The following TRAK1 variants were observed in gnomAD, a reference collection of about 807,000 sequenced individuals.
The protein encoded by TRAK1 is trafficking kinesin protein 1.
TRAK1 carries 33 observed loss-of-function variants against 92.1 expected under a neutral mutation model. The observed-to-expected ratio is 0.36, with a 90% CI of 0.27 to 0.48. The LOEUF is 0.48. TRAK1 is among the 20% of genes least tolerant of loss of function. TRAK1 has a pLI of 0.99. For synonymous variants in TRAK1, 521 were observed against 517.3 expected, an observed-to-expected ratio of 1.01 and a Z score of -0.10; for missense variants, 1,123 against 1,257.9, an observed-to-expected ratio of 0.89 and a Z score of 1.62.
chr3:42,189,095 G>C lies in TRAK1; in HGVS notation c.661G>C (p.Glu221Gln). 6.2e-7 allele frequency: 1 copy of C among 1,614,098 alleles called. No homozygotes were observed. Among genetic ancestry groups the C allele is most frequent in the African/African-American group, 1.3e-5 (1 of 75,066 alleles). Residue 221 changes from glutamate (E) to glutamine (Q), a missense_variant, in exon 6 of 16, where the codon GAA becomes CAA. Glu to Gln is a conservative substitution (Grantham distance 29). Around this residue, in one of 3 missense-constraint regions of TRAK1, gnomAD observed 686 missense variants for 747.6 expected, o/e 0.92. Coordinates refer to ENST00000327628, the MANE Select transcript of TRAK1 (RefSeq NM_001042646.3). ...DSLQKKLKDLEEENVVLRSEA... is the reference protein window; with the variant it reads ...DSLQKKLKDLQEENVVLRSEA... ...TCTTCAAAAGAAGCTGAAAGACCTT[G>C]AAGAGGAGAATGTTGTACTTCGATC...
At chr3:42,026,114 C>T (rs140250023) in intron 1 of TRAK1, among the ~76,000 whole-genome samples, 144 of 152,200 alleles carry the variant, frequency 9.5e-4, no homozygotes, top group African/African-American at 3.3e-3. Flanking sequence ...CCCTCCATCC[C>T]TCCTTTCTAT....
chr3:42,106,346 CAAAACA>C (rs1707566784), intron 1 of TRAK1, among the ~76,000 whole-genome samples: 1 of 150,422 alleles, frequency 6.6e-6, no homozygotes, highest in African/African-American at 2.4e-5. Flanking sequence ...AAATGGAAAA[CAAAACA>C]AAAAAAAAGC....
Position 42,223,219 on chromosome 3 carries a change from C to A in TRAK1, c.2344C>A (p.Pro782Thr). The A allele has an allele frequency of 4.3e-6, 7 of 1,614,218 alleles. No individual in the cohort carries two copies. The highest frequency in any genetic ancestry group is 5.9e-6 in the Non-Finnish European group (7 of 1,180,028). ...CAAGATGGCTGTGATCCCCTCTACT[C>A]CGCCGAACTCGCCTATGCAGACACC... is the stretch of plus-strand genomic sequence containing the variant. ...TPKMAVIPST[P>T]PNSPMQTPTS... Residue 782 changes from proline to threonine, a missense_variant, in exon 16 of 16, where the codon CCG (proline) becomes ACG (threonine). Physicochemically the swap from Pro to Thr is conservative, Grantham distance 38 (BLOSUM62 -1). Transcript: ENST00000327628. The surrounding 1 kb of genome is among the most constrained non-coding windows in gnomAD (Gnocchi z 6.1).
intron 2 of TRAK1, among the ~76,000 whole-genome samples, chr3:42,132,591 TG>T (rs1269350504): frequency 6.6e-6 from 1 of 152,158 alleles, no homozygotes; most frequent in Non-Finnish European, 1.5e-5. Context: ...TATTTTATAT[TG>T]TTTTTTTCCC....
intron 2 of TRAK1, among the ~76,000 whole-genome samples, chr3:42,144,102 C>T (rs1559827912): frequency 2.0e-5 from 3 of 152,168 alleles, no homozygotes; most frequent in African/African-American, 7.2e-5. Context: ...GCCTCGCTCC[C>T]TACCTCACCC....
chr3:42,058,006 T>A (rs1703268782), intron 1 of TRAK1, among the ~76,000 whole-genome samples: 1 of 152,256 alleles, frequency 6.6e-6, no homozygotes, highest in South Asian at 2.1e-4. Flanking sequence ...TTTCCTCCTT[T>A]ACTGCTACCC....
rs185578172 is a variant in TRAK1 at position 42,184,910 on chromosome 3, C to T, written c.480+109C>T. The T allele has an allele frequency of 1.1e-4, 116 of 1,092,044 alleles. 1 individual carries two copies. The East Asian group carries it at 2.3e-3, about 22-fold the overall frequency. The allele number at this position is 1,092,044 out of a possible 1,614,324, so 67.6% of individuals were successfully genotyped here. A position where few individuals can be genotyped will look rare whatever the true frequency, so the allele number is the denominator to read the frequency against. On this transcript the variant is annotated intron_variant, in intron 4 of 15. Coordinates refer to ENST00000327628, the MANE Select transcript of TRAK1 (RefSeq NM_001042646.3). ...GGAGTCCTAGTTGGAAGGACGCTCC[C>T]GAGGGCACGACCGCGGCCTGAGCCC...
At chr3:42,190,183 A>G (rs1705504395) in intron 6 of TRAK1, among the ~76,000 whole-genome samples, 1 of 152,040 alleles carries the variant, frequency 6.6e-6, no homozygotes, top group Non-Finnish European at 1.5e-5. Context: ...ATTAGTGGTG[A>G]GTTTCTGTTC....
intron 2 of TRAK1, among the ~76,000 whole-genome samples, chr3:42,157,314 C>T (rs1253276306): frequency 1.3e-5 from 2 of 151,230 alleles, no homozygotes; most frequent in Admixed American, 6.6e-5. Context: ...AAAAAATTAG[C>T]GAGGCATGGT....
At chr3:42,073,087 C>T (rs1021002661) in intron 1 of TRAK1, among the ~76,000 whole-genome samples, 9 of 152,206 alleles carry the variant, frequency 5.9e-5, no homozygotes, top group Non-Finnish European at 1.3e-4. Context: ...GCCCCCAGTC[C>T]ACATACAAGT....
intron 11 of TRAK1, 34 bp downstream of exon 11, chr3:42,199,287 C>G: frequency 1.2e-6 from 2 of 1,609,892 alleles, no homozygotes; most frequent in Non-Finnish European, 1.7e-6. Flanking sequence ...TTGAGATTCC[C>G]AGAGACCAAC....
At chr3:42,015,277 C>T (rs1237212095) in intron 1 of TRAK1, among the ~76,000 whole-genome samples, 1 of 152,202 alleles carries the variant, frequency 6.6e-6, no homozygotes, top group Non-Finnish European at 1.5e-5. Context: ...CTGAGCCCGG[C>T]TCTGGGGGAT....
In TRAK1 at chr3:42,159,888, C is replaced by T. The variant is rs187217037; in HGVS notation, c.287-16926C>T. 4.6e-5 allele frequency among the ~76,000 whole-genome samples: 7 copies of T among 152,348 alleles called. No homozygotes were observed. In the South Asian group the frequency reaches 6.2e-4, roughly 14 times the overall value. ...TTCAGCAGGACAATTCCTCCGCCAG[C>T]GCCCCACCTTTAAACAGGTGTGCCT... On this transcript the variant is annotated intron_variant, in intron 2 of 15. Transcript: ENST00000327628.
chr3:42,184,850 G>T (rs913836990), intron 4 of TRAK1, 49 bp downstream of exon 4: 26 of 1,551,642 alleles, frequency 1.7e-5, no homozygotes, highest in Non-Finnish European at 2.3e-5. Context: ...CACAGGCCTG[G>T]GAGCTGGAGG....
At position 42,177,633 on chromosome 3, in the gene TRAK1, A is replaced by G. The variant is rs56037700; in HGVS notation, c.363+743A>G. Among the ~76,000 whole-genome samples, 797 of 152,330 alleles carry G rather than the reference A, an allele frequency of 5.2e-3. 7 individuals are homozygous for G. The highest frequency in any genetic ancestry group is 0.014 in the Middle Eastern group (4 of 294). On this transcript the variant is annotated intron_variant, in intron 3 of 15. Coordinates refer to ENST00000327628, the MANE Select transcript of TRAK1 (RefSeq NM_001042646.3). The stretch of plus-strand genomic sequence containing the variant: ...TGGAATGATTTTGGGGCGTGTGACT[A>G]TGATGTGGAGGACACAGAAATCATT...
At chr3:42,082,633 T>A (rs1411410152), upstream of TRAK1, among the ~76,000 whole-genome samples, 1 of 150,562 alleles carries the variant, frequency 6.6e-6, no homozygotes, top group African/African-American at 2.5e-5. Context: ...ACCAGAGAAA[T>A]CTTTACATAT....
chr3:42,122,209 G>A (rs1709975345), intron 1 of TRAK1, among the ~76,000 whole-genome samples: 1 of 152,108 alleles, frequency 6.6e-6, no homozygotes. Context: ...ATATCACATG[G>A]GCACAAGGAC....
intron 1 of TRAK1, among the ~76,000 whole-genome samples, chr3:42,018,254 C>T (rs774901959): frequency 4.7e-5 from 5 of 106,622 alleles, no homozygotes; most frequent in South Asian, 4.2e-4. Flanking sequence ...GGTGACAGAG[C>T]GAGACCCCAT....
At position 42,101,434 on chromosome 3, in the gene TRAK1, G is replaced by A. The variant is rs561065545; in HGVS notation, c.91+9874G>A. ...GTGACAGGAGTGGCACTGAATGGCC[G>A]AGGTACATTAGTTGCTTTCAGGAAA... On this transcript the variant is annotated intron_variant, in intron 1 of 15. Coordinates refer to ENST00000327628, the MANE Select transcript of TRAK1 (RefSeq NM_001042646.3). Among the ~76,000 whole-genome samples, 388 of 152,322 alleles carry A rather than the reference G, an allele frequency of 2.5e-3. 3 individuals are homozygous for A. Among genetic ancestry groups the A allele is most frequent in the Non-Finnish European group, 3.4e-3 (228 of 68,034 alleles).
Sources: gnomAD v4.1 joint callset for allele counts (sites outside exome capture counted in the v4.1 genomes callset) on GRCh38, gnomAD v4.1.1 for gene constraint, gnomAD v4.1.1 regional missense constraint, Gnocchi (gnomAD v3.1) non-coding constraint, MANE v1.5 for transcripts, NCBI Gene and HGNC (gene_info 2026-07-23, HGNC 2026-07-21) for gene names.